Variants in CDH23 observed in about 807,000 individuals in gnomAD.
CDH23 encodes cadherin-23.
A neutral mutation model predicts 317.1 loss-of-function variants in CDH23; 189 were observed. The ratio of observed to expected loss-of-function variants is 0.60; its 90% confidence interval spans 0.53 to 0.67. The LOEUF is 0.67. Ranked by LOEUF, CDH23 falls within the 30% of genes least tolerant of loss-of-function variation. CDH23 has a pLI of 0.00. For missense variants in CDH23, 4,401 were observed against 4,592.4 expected, an observed-to-expected ratio of 0.96 and a Z score of 1.20; for synonymous variants, 1,839 against 1,876.8, an observed-to-expected ratio of 0.98 and a Z score of 0.52.
At chr10:71,681,104 A>G (rs1210317441) in intron 17 of CDH23, among the ~76,000 whole-genome samples, 1 of 152,016 alleles carries the variant, frequency 6.6e-6, no homozygotes, top group African/African-American at 2.4e-5. Flanking sequence ...CTGGGATTAC[A>G]GGTGTGAGCC....
At chr10:71,424,871 G>C (rs954928522) in intron 1 of CDH23, among the ~76,000 whole-genome samples, 5 of 152,134 alleles carry the variant, frequency 3.3e-5, no homozygotes, top group Admixed American at 3.3e-4. Flanking sequence ...GCTTCTGCCT[G>C]GGGGGCTGAG....
chr10:71,646,798 G>C lies in CDH23; in HGVS notation c.1449+181G>C, dbSNP rs898622870. On this transcript the variant is annotated intron_variant, in intron 14 of 69. Coordinates refer to ENST00000224721, the MANE Select transcript of CDH23 (RefSeq NM_022124.6). Reference sequence around the variant, plus strand: ...GGACTCTTCAGGAAGGGGCTCCCTTGACCTAGGTTGCAATATGGAAAAGGA... The same window carrying C: ...GGACTCTTCAGGAAGGGGCTCCCTTCACCTAGGTTGCAATATGGAAAAGGA... 1.4e-5 allele frequency: 21 copies of C among 1,539,678 alleles called. 1 individual carries two copies. The African/African-American group carries it at 2.3e-4, about 17-fold the overall frequency.
At chr10:71,778,357 G>C in intron 40 of CDH23, 49 bp downstream of exon 40, 1 of 1,609,902 alleles carries the variant, frequency 6.2e-7, no homozygotes, top group Non-Finnish European at 8.5e-7. Flanking sequence ...GTTGGCGAAG[G>C]ATGGGACCCA....
chr10:71,797,770 G>A (rs990213537), intron 49 of CDH23, among the ~76,000 whole-genome samples: 3 of 151,716 alleles, frequency 2.0e-5, no homozygotes, highest in Admixed American at 1.3e-4. Flanking sequence ...AGCCTGAGGC[G>A]TGGGCTGGGA....
intron 11 of CDH23, among the ~76,000 whole-genome samples, chr10:71,629,987 A>G (rs1261581759): frequency 6.6e-6 from 1 of 152,166 alleles, no homozygotes; most frequent in Non-Finnish European, 1.5e-5. Flanking sequence ...TTTATGTTAT[A>G]TGAATTGTAT....
At chr10:71,663,245 G>A (rs1863751338) in intron 14 of CDH23, among the ~76,000 whole-genome samples, 1 of 152,208 alleles carries the variant, frequency 6.6e-6, no homozygotes, top group South Asian at 2.1e-4. Context: ...ATGTTGATAA[G>A]GACGTGAAGG....
intron 12 of CDH23, among the ~76,000 whole-genome samples, chr10:71,644,585 G>A (rs192097202): frequency 6.6e-6 from 1 of 152,300 alleles, no homozygotes; most frequent in Admixed American, 6.5e-5. Context: ...CTTAGACCAC[G>A]GAGAGTCTTT....
At chr10:71,476,192 G>A (rs890966069) in intron 3 of CDH23, among the ~76,000 whole-genome samples, 2 of 152,140 alleles carry the variant, frequency 1.3e-5, no homozygotes, top group Non-Finnish European at 2.9e-5. Flanking sequence ...AAAAGTACAG[G>A]ATGCTGCAGT....
chr10:71,470,163 G>A (rs550308971), intron 3 of CDH23, among the ~76,000 whole-genome samples: 4 of 152,304 alleles, frequency 2.6e-5, no homozygotes, highest in African/African-American at 2.4e-5. Flanking sequence ...GAACTGACAC[G>A]CTGGTTTTCA....
chr10:71,791,217 C>T lies in CDH23; in HGVS notation c.6135C>T (p.Asp2045=). Residue 2045 remains aspartate (D), a synonymous_variant, in exon 47 of 70, where the codon GAC becomes GAT. Coordinates refer to ENST00000224721, the MANE Select transcript of CDH23 (RefSeq NM_022124.6). The part of the protein sequence containing the change: ...PILELLLLAE[D]IGLLNSTAHL... ...TGGAGCTGCTGCTGCTGGCTGAGGA[C>T]ATCGGGCTGCTCAACAGCACGGCCC... is the stretch of plus-strand genomic sequence containing the variant. The T allele has an allele frequency of 6.2e-7, 1 of 1,613,718 alleles. No individual in the cohort carries two copies. Among genetic ancestry groups the T allele is most frequent in the Non-Finnish European group, 8.5e-7 (1 of 1,179,780 alleles).
chr10:71,641,438 C>G (rs1862547175), intron 11 of CDH23, among the ~76,000 whole-genome samples: 1 of 152,216 alleles, frequency 6.6e-6, no homozygotes, highest in South Asian at 2.1e-4. Flanking sequence ...ATGCCATCCT[C>G]AGGATGGCAT....
At chr10:71,671,312 C>T (rs1864137162) in intron 14 of CDH23, among the ~76,000 whole-genome samples, 1 of 152,102 alleles carries the variant, frequency 6.6e-6, no homozygotes, top group African/African-American at 2.4e-5. Context: ...CCAGCTGGGC[C>T]ATCCCCTTCC....
At chr10:71,767,375 G>A (rs1049616270) in intron 38 of CDH23, among the ~76,000 whole-genome samples, 3 of 152,312 alleles carry the variant, frequency 2.0e-5, no homozygotes, top group Admixed American at 1.3e-4. Context: ...GGCCTAGGAA[G>A]CCCCACCCAA....
intron 11 of CDH23, among the ~76,000 whole-genome samples, chr10:71,619,317 C>T (rs1243224963): frequency 2.0e-5 from 3 of 150,806 alleles, no homozygotes; most frequent in Non-Finnish European, 4.4e-5. Flanking sequence ...CCTAGGTGAC[C>T]CTGTCTCAAA....
In CDH23 at chr10:71,709,154, G is replaced by A. The variant is rs747028795; in HGVS notation, c.3163G>A (p.Val1055Met). 8.1e-6 allele frequency: 13 copies of A among 1,613,872 alleles called. No homozygotes were observed. The highest frequency in any genetic ancestry group is 5.5e-5 in the South Asian group (5 of 91,082). ...TTACCGCGATGCCGTTGTGAGAACC[G>A]TGGTGGGCCTGGACCGGGAGACCAC... is the stretch of plus-strand genomic sequence containing the variant. ...VGYRDAVVRT[V>M]VGLDRETTAA... is the part of the protein sequence containing the mutation. The change falls in exon 27 of 70, where the codon GTG (valine) becomes ATG (methionine). Residue 1055 changes from valine to methionine, a missense_variant. Around this residue, in one of 3 missense-constraint regions of CDH23, gnomAD observed 3,068 missense variants for 3,203.3 expected, o/e 0.96. Coordinates refer to ENST00000224721, the MANE Select transcript of CDH23 (RefSeq NM_022124.6).
rs1295591046 is a variant in CDH23, at chr10:71,807,661, C to T, written c.8454C>T (p.Ser2818=). Residue 2818 remains serine (S), a synonymous_variant, in exon 59 of 70, where the codon TCC becomes TCT. Transcript: ENST00000224721. The part of the protein sequence containing the change: ...NRSWTPPRGP[S]PTLDLVADLT... Reference sequence around the variant, plus strand: ...GCTGGACACCTCCCCGTGGACCCTCCCCAACCCTCGACCTGGTTGCTGACC... The same window carrying T: ...GCTGGACACCTCCCCGTGGACCCTCTCCAACCCTCGACCTGGTTGCTGACC... The T allele has an allele frequency of 1.6e-5, 26 of 1,613,986 alleles. No individual in the cohort carries two copies. Among genetic ancestry groups the T allele is most frequent in the Non-Finnish European group, 2.1e-5 (25 of 1,179,868 alleles).
At chr10:71,759,764 A>G (rs567890948) in intron 38 of CDH23, among the ~76,000 whole-genome samples, 71 of 151,200 alleles carry the variant, frequency 4.7e-4, no homozygotes, top group African/African-American at 1.7e-3. Context: ...GTGAGCCCAG[A>G]TCGCGCCACT....
At chr10:71,399,281 C>T (rs1365914315) in intron 1 of CDH23, among the ~76,000 whole-genome samples, 1 of 152,226 alleles carries the variant, frequency 6.6e-6, no homozygotes, top group African/African-American at 2.4e-5. Flanking sequence ...TTGGGCCCCA[C>T]CCCAGACCTT....
rs528697769 is a variant in CDH23, at chr10:71,411,817, T to C, written c.-6+14499T>C. Among the ~76,000 whole-genome samples the C allele has an allele frequency of 8.5e-5, 13 of 152,352 alleles. No individual in the cohort carries two copies. In the South Asian group the frequency reaches 2.3e-3, roughly 27 times the overall value. ...AAATTATAGTAAAATGTACATAACATAAAATTTACCTTTTAAACCCTTTTT... is the reference window on the plus strand; with the variant it reads ...AAATTATAGTAAAATGTACATAACACAAAATTTACCTTTTAAACCCTTTTT... On this transcript the variant is annotated intron_variant, in intron 1 of 69. Coordinates refer to ENST00000224721, the MANE Select transcript of CDH23 (RefSeq NM_022124.6).
Sources: allele counts gnomAD v4.1 joint callset (sites outside exome capture counted in the v4.1 genomes callset), GRCh38; gene constraint gnomAD v4.1.1; regional missense constraint gnomAD v4.1.1; transcripts MANE v1.5; gene names NCBI Gene and HGNC (gene_info 2026-07-23, HGNC 2026-07-21).